The following DMD variants were observed in gnomAD, a reference collection of about 807,000 sequenced individuals.
DMD encodes the protein mutant dystrophin.
A neutral mutation model predicts 330.1 loss-of-function variants in DMD; 63 were observed. The observed-to-expected ratio is 0.19, with a 90% CI of 0.16 to 0.24. DMD has a LOEUF of 0.24. DMD is among the 10% of genes least tolerant of loss of function. The pLI, the probability that DMD is intolerant of heterozygous loss-of-function variation, is 1.00. For missense variants in DMD, 3,344 were observed against 2,684.1 expected (o/e 1.25, Z -5.43); for synonymous variants, 1,223 against 959.8 (o/e 1.27, Z -5.07).
chrX:32,076,097 A>T (rs2147848413), intron 44 of DMD, among the ~76,000 whole-genome samples: 1 of 91,148 alleles, frequency 1.1e-5, no homozygotes, highest in Non-Finnish European at 2.2e-5. Context: ...AGAGAGAGAG[A>T]GAGAGAGAGA....
At chrX:32,237,954 A>G (rs2097194057) in intron 43 of DMD, among the ~76,000 whole-genome samples, 1 of 110,742 alleles carries the variant, frequency 9.0e-6, no homozygotes, top group African/African-American at 3.3e-5. Flanking sequence ...TGCCTAAAAC[A>G]CTCTCCTTCT....
At chrX:32,048,004 T>C (rs2096075611) in intron 44 of DMD, among the ~76,000 whole-genome samples, 1 of 107,099 alleles carries the variant, frequency 9.3e-6, no homozygotes, top group Non-Finnish European at 1.9e-5. Context: ...TTATAACATC[T>C]TCAGTTTCTG....
chrX:32,734,078 G>A (rs1250400698), intron 7 of DMD, among the ~76,000 whole-genome samples: 4 of 106,430 alleles, frequency 3.8e-5, no homozygotes, highest in East Asian at 2.9e-4. Flanking sequence ...ATGATAAAGG[G>A]GATATCACCA....
intron 1 of DMD, among the ~76,000 whole-genome samples, chrX:33,045,405 A>G (rs1216929035): frequency 9.1e-6 from 1 of 109,960 alleles, no homozygotes; most frequent in South Asian, 3.9e-4. Context: ...TAAGTTAGGC[A>G]CTGTTTCCTC....
chrX:32,921,474 G>A (rs974875722), intron 2 of DMD, among the ~76,000 whole-genome samples: 6 of 111,501 alleles, frequency 5.4e-5, no homozygotes, highest in East Asian at 2.8e-4. Context: ...AGTATACTGC[G>A]TTTTTTATGG....
intron 12 of DMD, among the ~76,000 whole-genome samples, chrX:32,600,504 G>GT (rs66908307): frequency 0.5 from 46,799 of 94,094 alleles, 11,003 homozygotes; most frequent in African/African-American, 0.8. Context: ...TATATGTAAA[G>GT]TTTTTTTTTT....
intron 9 of DMD, among the ~76,000 whole-genome samples, chrX:32,669,402 T>G (rs1233318529): frequency 8.9e-6 from 1 of 111,841 alleles, no homozygotes; most frequent in African/African-American, 3.3e-5. Flanking sequence ...GGTACTTTCC[T>G]AAGGAAACTC....
chrX:31,630,275 G>T (rs1274162616), intron 54 of DMD, among the ~76,000 whole-genome samples: 1 of 112,008 alleles, frequency 8.9e-6, no homozygotes, highest in Non-Finnish European at 1.9e-5. Flanking sequence ...TTTCAGGACA[G>T]TAAGAAACCA....
intron 7 of DMD, among the ~76,000 whole-genome samples, chrX:32,787,213 A>AGTGTGTGTGTGT (rs72078806): frequency 7.9e-4 from 66 of 83,374 alleles, no homozygotes; most frequent in African/African-American, 1.9e-3. Context: ...CTCTCTGTCA[A>AGTGTGTGTGTGT]GTGTGTGTGT....
At chrX:32,526,161 C>T (rs979412808) in intron 17 of DMD, among the ~76,000 whole-genome samples, 11 of 111,794 alleles carry the variant, frequency 9.8e-5, no homozygotes, top group African/African-American at 3.6e-4. Context: ...CCCTTAAATG[C>T]AGTCTAACTT....
At chrX:31,998,276 C>T (rs992220543) in intron 44 of DMD, among the ~76,000 whole-genome samples, 3 of 111,579 alleles carry the variant, frequency 2.7e-5, no homozygotes, top group African/African-American at 9.8e-5. Flanking sequence ...GAAATACGGT[C>T]AAAGTTTGAT....
intron 29 of DMD, among the ~76,000 whole-genome samples, chrX:32,414,593 A>C (rs2098159107): frequency 8.9e-6 from 1 of 111,973 alleles, no homozygotes; most frequent in East Asian, 2.8e-4. Flanking sequence ...ATGAAGCCCA[A>C]TAGCTTTATT....
intron 55 of DMD, among the ~76,000 whole-genome samples, chrX:31,626,246 A>G (rs1297329448): frequency 9.0e-6 from 1 of 111,443 alleles, no homozygotes; most frequent in Non-Finnish European, 1.9e-5. Flanking sequence ...CGGCCTCCCA[A>G]AGTGCTGGGG....
At chrX:32,913,909 CA>C (rs2087532531) in intron 2 of DMD, among the ~76,000 whole-genome samples, 1 of 111,845 alleles carries the variant, frequency 8.9e-6, no homozygotes, top group Non-Finnish European at 1.9e-5. Flanking sequence ...CAGGATTGAA[CA>C]ACAGTTTCCC....
intron 55 of DMD, among the ~76,000 whole-genome samples, chrX:31,560,616 T>C (rs1482540200): frequency 9.0e-6 from 1 of 110,756 alleles, no homozygotes; most frequent in Non-Finnish European, 1.9e-5. Context: ...TTCACCAATA[T>C]GTGCACACTT....
intron 60 of DMD, among the ~76,000 whole-genome samples, chrX:31,350,624 TGTGTGTGTGAGAGA>T (rs1255979900): frequency 8.1e-4 from 39 of 48,274 alleles, no homozygotes; most frequent in African/African-American, 1.5e-3. Flanking sequence ...TGTGTGTGTG[TGTGTGTGTGAGAGA>T]GAGAGAGAGA....
intron 42 of DMD, among the ~76,000 whole-genome samples, chrX:32,297,270 T>A (rs370377521): frequency 2.3e-3 from 218 of 94,917 alleles, no homozygotes; most frequent in African/African-American, 8.8e-3. Context: ...TTTATTTATT[T>A]ATTATTTATT....
chrX:32,963,462 G>T (rs184561302), intron 2 of DMD, among the ~76,000 whole-genome samples: 257 of 112,066 alleles, frequency 2.3e-3, no homozygotes, highest in Non-Finnish European at 3.9e-3. Context: ...AAAATCTCTG[G>T]TCAGATTGAA....
At chrX:31,425,670 C>G (rs2063662715) in intron 60 of DMD, among the ~76,000 whole-genome samples, 1 of 80,862 alleles carries the variant, frequency 1.2e-5, no homozygotes, top group South Asian at 4.5e-4. Context: ...GTTTGCTTTT[C>G]CAAACACAGA....
Sources: gnomAD v4.1 joint callset for allele counts (sites outside exome capture counted in the v4.1 genomes callset) on GRCh38, gnomAD v4.1.1 for gene constraint, MANE v1.5 for transcripts, NCBI Gene and HGNC (gene_info 2026-07-23, HGNC 2026-07-21) for gene names.